DDX19A: variants seen among roughly 807,000 people sequenced by gnomAD.
The protein encoded by DDX19A is DEAD-box helicase 19A.
Under a neutral mutation model 60.6 loss-of-function variants are expected in DDX19A, and 12 were observed. That is an observed-to-expected ratio of 0.20 (90% CI 0.13 to 0.32). The LOEUF is 0.32. DDX19A is among the 10% of genes least tolerant of loss of function. DDX19A has a pLI of 1.00. For missense variants in DDX19A, 337 were observed against 600.6 expected, an observed-to-expected ratio of 0.56 and a Z score of 4.59; for synonymous variants, 206 against 218.2, an observed-to-expected ratio of 0.94 and a Z score of 0.49.
chr16:70,355,490 A>C lies in DDX19A; in HGVS notation c.112A>C (p.Ile38Leu), dbSNP rs761286686. ...ACAATTGTTTTCTTGTGTAGGTATT[A>C]TCAAAACCAGTACCACTGCCGAGAA... Reference protein sequence around the residue: ...EKVKADTNGIIKTSTTAEKTD... With the variant: ...EKVKADTNGILKTSTTAEKTD... The change falls in exon 3 of 12, where the codon ATC becomes CTC. Residue 38 changes from isoleucine to leucine, a missense_variant. By Grantham distance (5) the Ile-to-Leu change is conservative. Around this residue, in one of 6 missense-constraint regions of DDX19A, gnomAD observed 127 missense variants for 160.3 expected, o/e 0.79. Transcript: ENST00000302243. 6.2e-7 allele frequency: 1 copy of C among 1,613,534 alleles called. No homozygotes were observed. The highest frequency in any genetic ancestry group is 8.5e-7 in the Non-Finnish European group (1 of 1,179,424).
chr16:70,361,649 A>G (rs1964366914), intron 5 of DDX19A, 139 bp downstream of exon 5: 1 of 624,272 alleles, frequency 1.6e-6, no homozygotes, highest in African/African-American at 1.8e-5. Context: ...AAGTGCAGAG[A>G]GAATCGGATG....
intron 1 of DDX19A, 91 bp downstream of exon 1, chr16:70,347,139 C>A (rs538341536): frequency 7.8e-7 from 1 of 1,284,240 alleles, no homozygotes; most frequent in Admixed American, 2.0e-5. Flanking sequence ...TTGGGGAGGC[C>A]CCTGGGCAAC....
At chr16:70,348,187 G>A (rs891078327) in intron 1 of DDX19A, among the ~76,000 whole-genome samples, 9 of 152,094 alleles carry the variant, frequency 5.9e-5, no homozygotes, top group Non-Finnish European at 1.5e-5. Flanking sequence ...AAGATATGAA[G>A]GTAGAATGGG....
chr16:70,361,695 A>G lies in DDX19A; in HGVS notation c.386+185A>G, dbSNP rs542207414. The G allele has an allele frequency of 1.3e-4, 72 of 545,074 alleles. 1 individual carries two copies. In the East Asian group the frequency reaches 2.2e-3, roughly 17 times the overall value. The allele number at this position is 545,074 out of a possible 1,614,324, so 33.8% of individuals were successfully genotyped here. On this transcript the variant is annotated intron_variant, in intron 5 of 11. Coordinates refer to ENST00000302243, the MANE Select transcript of DDX19A (RefSeq NM_018332.5). ...CAGTTTCTGCCTTTCCCACTTAACA[A>G]TAGAAACTTATAGAGAAAGGTAGTG...
At chr16:70,357,852 G>A (rs1964259735) in intron 4 of DDX19A, among the ~76,000 whole-genome samples, 1 of 151,990 alleles carries the variant, frequency 6.6e-6, no homozygotes, top group African/African-American at 2.4e-5. Context: ...AGAATATGGT[G>A]GAATCAATGG....
At chr16:70,360,821 A>C in intron 4 of DDX19A, 1 of 153,270 alleles carries the variant, frequency 6.5e-6, no homozygotes, top group Non-Finnish European at 1.5e-5. Flanking sequence ...GCTCAGTCAC[A>C]GATCACTGCA....
chr16:70,348,721 G>A (rs1963927406), intron 1 of DDX19A, among the ~76,000 whole-genome samples: 1 of 151,142 alleles, frequency 6.6e-6, no homozygotes, highest in African/African-American at 2.4e-5. Context: ...AGGCAGATCA[G>A]TTGAACCCAG....
At chr16:70,353,891 ACT>A (rs1297653228) in intron 2 of DDX19A, among the ~76,000 whole-genome samples, 1 of 130,564 alleles carries the variant, frequency 7.7e-6, no homozygotes, top group Non-Finnish European at 1.6e-5. Context: ...ACAGAGTGAG[ACT>A]CTGTCTCAAA....
chr16:70,367,197 G>C (rs1964544382), intron 9 of DDX19A, among the ~76,000 whole-genome samples: 1 of 152,114 alleles, frequency 6.6e-6, no homozygotes, highest in African/African-American at 2.4e-5. Context: ...GGGAGGCCGA[G>C]ATGGGTGGAT....
chr16:70,366,393 G>T, intron 8 of DDX19A, 131 bp downstream of exon 8: 1 of 1,405,916 alleles, frequency 7.1e-7, no homozygotes, highest in Admixed American at 2.1e-5. Context: ...TGTTTGACGG[G>T]CCATTTCCAT....
In DDX19A at chr16:70,365,131, T is replaced by C. The variant is rs571209680; in HGVS notation, c.604T>C (p.Leu202=). ...KLAYAVRGNK[L]ERGQKISEQI... ...TGCCTATGCCGTTCGAGGCAATAAA[T>C]GTGAGTACGGCAGGCGACAACTGAA... The change falls in exon 7 of 12, where the codon TTG becomes CTG. Residue 202 remains leucine, a splice_region_variant and synonymous_variant. Coordinates refer to ENST00000302243, the MANE Select transcript of DDX19A (RefSeq NM_018332.5). 2 of 1,607,168 alleles carry C rather than the reference T, an allele frequency of 1.2e-6. No individual in the cohort carries two copies. The highest frequency in any genetic ancestry group is 1.7e-6 in the Non-Finnish European group (2 of 1,173,698).
At chr16:70,370,437 C>T (rs761532305) in intron 10 of DDX19A, 52 bp downstream of exon 10, 8 of 1,579,186 alleles carry the variant, frequency 5.1e-6, no homozygotes, top group Admixed American at 1.9e-5. Context: ...GTCCCAGGCC[C>T]AATTAGAGCC....
rs764434533 is a variant in DDX19A, at chr16:70,366,687, G to T, written c.846G>T (p.Lys282Asn). ...FSATFEDSVW[K>N]FAQKVVPDPN... ...CCACCTTTGAAGACTCTGTGTGGAAGTTTGCCCAGAAAGTGGTCCCAGACC... is the reference window on the plus strand; with the variant it reads ...CCACCTTTGAAGACTCTGTGTGGAATTTTGCCCAGAAAGTGGTCCCAGACC... The change falls in exon 9 of 12, where the codon AAG becomes AAT. Residue 282 changes from lysine to asparagine, a missense_variant. Lys to Asn is a moderately conservative substitution (Grantham distance 94). Coordinates refer to ENST00000302243, the MANE Select transcript of DDX19A (RefSeq NM_018332.5). The T allele has an allele frequency of 5.0e-6, 8 of 1,614,248 alleles. No individual in the cohort carries two copies. Among genetic ancestry groups the T allele is most frequent in the Non-Finnish European group, 4.2e-6 (5 of 1,180,052 alleles).
rs527968899 is a variant in DDX19A, at chr16:70,362,674, C to G, written c.386+1164C>G. The stretch of plus-strand genomic sequence containing the variant: ...CCCACTGCAGCCTCGACCTCCTGGG[C>G]TTAATTAATCCTCTCACCTCAGCCT... On this transcript the variant is annotated intron_variant, in intron 5 of 11. Coordinates refer to ENST00000302243, the MANE Select transcript of DDX19A (RefSeq NM_018332.5). 2.6e-5 allele frequency among the ~76,000 whole-genome samples: 4 copies of G among 152,006 alleles called. No individual in the cohort carries two copies. In the East Asian group the frequency reaches 7.7e-4, roughly 29 times the overall value.
intron 6 of DDX19A, 186 bp downstream of exon 6, chr16:70,364,831 T>G (rs769630720): frequency 1.5e-6 from 1 of 667,264 alleles, no homozygotes; most frequent in Non-Finnish European, 2.6e-6. Flanking sequence ...GACCATGGCT[T>G]GCAAAGGCCT....
At chr16:70,366,020 G>A (rs1415945201) in intron 7 of DDX19A, 65 bp from the exon 8 acceptor site, 1 of 1,611,256 alleles carries the variant, frequency 6.2e-7, no homozygotes, top group East Asian at 2.2e-5. Context: ...GGATGGGCAG[G>A]GCTTTGATTT....
chr16:70,371,272 C>T (rs1964679873), intron 10 of DDX19A, 100 bp from the exon 11 acceptor site: 3 of 1,606,266 alleles, frequency 1.9e-6, no homozygotes, highest in East Asian at 4.5e-5. Context: ...AAATTCTTTC[C>T]CTCTATCCCA....
chr16:70,354,655 A>G (rs950414195), intron 2 of DDX19A, among the ~76,000 whole-genome samples: 56 of 150,736 alleles, frequency 3.7e-4, no homozygotes, highest in African/African-American at 1.3e-3. Context: ...GAAATTTAAA[A>G]TTTTTCACCA....
chr16:70,365,014 C>T lies in DDX19A; in HGVS notation c.490-3C>T, dbSNP rs1290563425. The T allele has an allele frequency of 6.2e-7, 1 of 1,612,398 alleles. No individual in the cohort carries two copies. The stretch of plus-strand genomic sequence containing the variant: ...AACTCATCCTTTATGATTTTTCTGT[C>T]AGTGTCTGTGCCTCTCCCCAACATA... On this transcript the variant is annotated splice_region_variant and splice_polypyrimidine_tract_variant and intron_variant, in intron 6 of 11. Coordinates refer to ENST00000302243, the MANE Select transcript of DDX19A (RefSeq NM_018332.5).
Sources: allele counts gnomAD v4.1 joint callset (sites outside exome capture counted in the v4.1 genomes callset), GRCh38; gene constraint gnomAD v4.1.1; regional missense constraint gnomAD v4.1.1; transcripts MANE v1.5; gene names NCBI Gene and HGNC (gene_info 2026-07-23, HGNC 2026-07-21).